TTBK2: variants seen among roughly 807,000 people sequenced by gnomAD.
The protein encoded by TTBK2 is tau-tubulin kinase 2.
Under a neutral mutation model 110.8 loss-of-function variants are expected in TTBK2, and 28 were observed. The ratio of observed to expected loss-of-function variants is 0.25; its 90% CI spans 0.19 to 0.35. The LOEUF is 0.35. Ranked by LOEUF, TTBK2 falls within the 10% of genes least tolerant of loss-of-function variation. TTBK2 has a pLI of 1.00. For synonymous variants in TTBK2, 532 were observed against 527.3 expected (o/e 1.01, Z -0.12); for missense variants, 1,369 against 1,500.3 (o/e 0.91, Z 1.45).
At chr15:42,794,525 C>A in intron 10 of TTBK2, 119 bp downstream of exon 10, 1 of 1,398,162 alleles carries the variant, frequency 7.2e-7, no homozygotes, top group Non-Finnish European at 1.0e-6. Flanking sequence ...TCGAGGAGAT[C>A]CACAGGCTTT....
intron 3 of TTBK2, among the ~76,000 whole-genome samples, chr15:42,862,508 CA>C (rs978531317): frequency 9.2e-5 from 14 of 151,908 alleles, no homozygotes; most frequent in African/African-American, 3.4e-4. Context: ...CAATTAGATG[CA>C]AAAAAAATTT....
At chr15:42,800,515 G>A (rs1279952832) in intron 9 of TTBK2, among the ~76,000 whole-genome samples, 1 of 152,220 alleles carries the variant, frequency 6.6e-6, no homozygotes, top group African/African-American at 2.4e-5. Context: ...AGAATTATTT[G>A]TAAGGTGATA....
chr15:42,821,423 T>C lies in TTBK2; in HGVS notation c.538-4326A>G, dbSNP rs1034465565. 3.9e-5 allele frequency among the ~76,000 whole-genome samples: 6 copies of C among 152,230 alleles called. No individual in the cohort carries two copies. In the South Asian group the frequency reaches 1.2e-3, roughly 32 times the overall value. On this transcript the variant is annotated intron_variant, in intron 6 of 14. Coordinates refer to ENST00000267890, the MANE Select transcript of TTBK2 (RefSeq NM_173500.4). Reference sequence around the variant, plus strand: ...TTTTAATTATTGAGGTATCATTTACTTACAGTAAAATTCATACTTTATGTA... The same window carrying C: ...TTTTAATTATTGAGGTATCATTTACCTACAGTAAAATTCATACTTTATGTA...
At chr15:42,838,026 G>A in intron 4 of TTBK2, among the ~76,000 whole-genome samples, 1 of 152,008 alleles carries the variant, frequency 6.6e-6, no homozygotes, top group East Asian at 1.9e-4. Flanking sequence ...TGGCCAGCAT[G>A]GTGAAACCCT....
In TTBK2 at chr15:42,746,229, T is replaced by A; in HGVS notation, c.3301A>T (p.Ser1101Cys). ...RLRRYKVLGSSNSDSDLFSRL... is the reference protein window; with the variant it reads ...RLRRYKVLGSCNSDSDLFSRL... ...GAGAAAAGGTCTGAGTCGGAGTTACTACTCCCTAGGACTTTATATCTGCGT... is the reference window on the plus strand; with the variant it reads ...GAGAAAAGGTCTGAGTCGGAGTTACAACTCCCTAGGACTTTATATCTGCGT... The change falls in exon 15 of 15, where the codon AGT becomes TGT. Residue 1101 changes from serine (S) to cysteine (C), a missense_variant. Physicochemically the swap from Ser to Cys is moderately radical, Grantham distance 112. Coordinates refer to ENST00000267890, the MANE Select transcript of TTBK2 (RefSeq NM_173500.4). 6.2e-7 allele frequency: 1 copy of A among 1,613,802 alleles called. No homozygotes were observed. Among genetic ancestry groups the A allele is most frequent in the Non-Finnish European group, 8.5e-7 (1 of 1,179,732 alleles).
At chr15:42,880,204 C>G (rs1894986117) in intron 1 of TTBK2, among the ~76,000 whole-genome samples, 1 of 152,070 alleles carries the variant, frequency 6.6e-6, no homozygotes, top group Non-Finnish European at 1.5e-5. Context: ...TAAACCCATC[C>G]TAAGCCCATC....
chr15:42,822,717 C>T (rs1892355544), intron 6 of TTBK2, among the ~76,000 whole-genome samples: 1 of 152,130 alleles, frequency 6.6e-6, no homozygotes, highest in African/African-American at 2.4e-5. Context: ...TATTTTTAAG[C>T]TGGAAAGTAA....
chr15:42,769,639 G>C (rs541802984), intron 13 of TTBK2, among the ~76,000 whole-genome samples: 20 of 152,250 alleles, frequency 1.3e-4, no homozygotes, highest in African/African-American at 4.1e-4. Context: ...GGAGAAATAG[G>C]AACACTTTTA....
At chr15:42,853,491 A>G (rs977678050) in intron 3 of TTBK2, among the ~76,000 whole-genome samples, 1 of 152,202 alleles carries the variant, frequency 6.6e-6, no homozygotes, top group Non-Finnish European at 1.5e-5. Flanking sequence ...AAAATTTAAA[A>G]TAATTAAATA....
At chr15:42,784,615 T>A (rs990301751) in intron 10 of TTBK2, among the ~76,000 whole-genome samples, 1 of 152,182 alleles carries the variant, frequency 6.6e-6, no homozygotes, top group Non-Finnish European at 1.5e-5. Context: ...CAGGAAAATG[T>A]TAAGTGCTGT....
chr15:42,907,541 A>G (rs2030479306), intron 1 of TTBK2, among the ~76,000 whole-genome samples: 1 of 152,210 alleles, frequency 6.6e-6, no homozygotes. Context: ...AGGCCATTAC[A>G]TTAAGTGAAA....
intron 1 of TTBK2, among the ~76,000 whole-genome samples, chr15:42,907,175 A>G (rs1464006297): frequency 2.6e-5 from 4 of 152,218 alleles, no homozygotes; most frequent in South Asian, 2.1e-4. Context: ...GAAAAAGGCA[A>G]TAACAAATGC....
In TTBK2 at chr15:42,871,565, T is replaced by C. The variant is rs1016976623; in HGVS notation, c.217+1046A>G. On this transcript the variant is annotated intron_variant, in intron 3 of 14. Coordinates refer to ENST00000267890, the MANE Select transcript of TTBK2 (RefSeq NM_173500.4). ...AGTAAAACAGGTATCCTGGGATCTGTGCAACCCAGGAAGATGTAGCTCTGG... is the reference window on the plus strand; with the variant it reads ...AGTAAAACAGGTATCCTGGGATCTGCGCAACCCAGGAAGATGTAGCTCTGG... 4.1e-6 allele frequency: 4 copies of C among 985,124 alleles called. No individual in the cohort carries two copies. The African/African-American group carries it at 7.0e-5, about 17-fold the overall frequency. The allele number at this position is 985,124 out of a possible 1,614,324, so 61.0% of individuals were successfully genotyped here.
At position 42,777,202 on chromosome 15, in the gene TTBK2, C is replaced by A. The variant is rs755856919; in HGVS notation, c.1238G>T (p.Gly413Val). Residue 413 changes from glycine to valine, a missense_variant, in exon 12 of 15, where the codon GGT (glycine) becomes GTT (valine). Physicochemically the swap from Gly to Val is moderately radical, Grantham distance 109. Around this residue, in one of 4 missense-constraint regions of TTBK2, gnomAD observed 1,097 missense variants for 1,114.7 expected, o/e 0.98. Transcript: ENST00000267890. ...CCCAAGGCTTGGAGCATTGAGAAGACCATTTGCCTGGCCATGGCTGTTCTC... is the reference window on the plus strand; with the variant it reads ...CCCAAGGCTTGGAGCATTGAGAAGAACATTTGCCTGGCCATGGCTGTTCTC... ...EEENSHGQANGLLNAPSLGSP... is the reference protein window; with the variant it reads ...EEENSHGQANVLLNAPSLGSP... 6.2e-7 allele frequency: 1 copy of A among 1,614,166 alleles called. No homozygotes were observed. Among genetic ancestry groups the A allele is most frequent in the Non-Finnish European group, 8.5e-7 (1 of 1,180,038 alleles).
intron 6 of TTBK2, among the ~76,000 whole-genome samples, chr15:42,819,012 G>A (rs1892170035): frequency 6.6e-6 from 1 of 150,818 alleles, no homozygotes; most frequent in Non-Finnish European, 1.5e-5. Context: ...CTGACGATTC[G>A]TGGGTGGCAC....
At chr15:42,818,006 C>T (rs988620842) in intron 6 of TTBK2, among the ~76,000 whole-genome samples, 1 of 152,156 alleles carries the variant, frequency 6.6e-6, no homozygotes, top group Non-Finnish European at 1.5e-5. Context: ...TTCTTTCTTT[C>T]TTATAACACC....
chr15:42,855,973 T>TGC (rs1893926300), intron 3 of TTBK2, among the ~76,000 whole-genome samples: 1 of 152,156 alleles, frequency 6.6e-6, no homozygotes, highest in African/African-American at 2.4e-5. Flanking sequence ...TGAGCCACCA[T>TGC]GCCCAGCCAA....
rs1470151706 is a variant in TTBK2 at position 42,801,282 on chromosome 15, A to T, written c.823-6481T>A. Reference sequence around the variant, plus strand: ...GATATCCAGGGCCAGCTTGACGTTCATCAGCTCCTGGTACTCACGCAGCTG... The same window carrying T: ...GATATCCAGGGCCAGCTTGACGTTCTTCAGCTCCTGGTACTCACGCAGCTG... On this transcript the variant is annotated intron_variant, in intron 9 of 14. Coordinates refer to ENST00000267890, the MANE Select transcript of TTBK2 (RefSeq NM_173500.4). The T allele has an allele frequency of 3.9e-6, 6 of 1,541,028 alleles. 1 individual carries two copies. In the Admixed American group the frequency reaches 8.6e-5, roughly 22 times the overall value.
intron 9 of TTBK2, among the ~76,000 whole-genome samples, chr15:42,806,101 A>C (rs1273614628): frequency 1.3e-5 from 2 of 151,910 alleles, no homozygotes; most frequent in African/African-American, 4.8e-5. Context: ...CTGTCTCTAC[A>C]AAAAAATACA....
Sources: allele counts gnomAD v4.1 joint callset (sites outside exome capture counted in the v4.1 genomes callset), GRCh38; gene constraint gnomAD v4.1.1; regional missense constraint gnomAD v4.1.1; transcripts MANE v1.5; gene names NCBI Gene and HGNC (gene_info 2026-07-23, HGNC 2026-07-21).